The following KDM7A variants were observed in gnomAD, a reference collection of about 807,000 sequenced individuals.
KDM7A encodes lysine demethylase 7A, also known as lysine-specific demethylase 7A.
KDM7A carries 28 observed loss-of-function variants against 114.8 expected under a neutral mutation model. The ratio of observed to expected loss-of-function variants is 0.24; its 90% CI spans 0.18 to 0.33. The LOEUF (loss-of-function observed/expected upper bound fraction) is 0.33. Ranked by LOEUF, KDM7A falls within the 10% of genes least tolerant of loss-of-function variation. KDM7A has a pLI of 1.00. For synonymous variants in KDM7A, 423 were observed against 397.8 expected, an observed-to-expected ratio of 1.06 and a Z score of -0.75; for missense variants, 942 against 1,142.5, an observed-to-expected ratio of 0.82 and a Z score of 2.53.
chr7:140,122,302 AG>A (rs1392374945), intron 7 of KDM7A, among the ~76,000 whole-genome samples: 2 of 151,652 alleles, frequency 1.3e-5, no homozygotes, highest in Admixed American at 1.3e-4. Context: ...TTTATATTCT[AG>A]TTAGGACATT....
At chr7:140,155,686 TAA>T (rs1327092591) in intron 1 of KDM7A, among the ~76,000 whole-genome samples, 2 of 152,292 alleles carry the variant, frequency 1.3e-5, no homozygotes, top group South Asian at 4.1e-4. Context: ...AGGAAGGAGA[TAA>T]AACACCATCG....
chr7:140,150,805 G>C (rs989823910), intron 1 of KDM7A, among the ~76,000 whole-genome samples: 8 of 150,910 alleles, frequency 5.3e-5, no homozygotes, highest in South Asian at 2.1e-4. Context: ...AAGTTAATGA[G>C]TGTGGCCCAA....
intron 12 of KDM7A, among the ~76,000 whole-genome samples, chr7:140,100,671 T>C (rs1562945861): frequency 2.5e-5 from 1 of 40,298 alleles, no homozygotes; most frequent in Non-Finnish European, 4.7e-5. Flanking sequence ...TATATATATA[T>C]ATATATATAC....
At chr7:140,116,348 G>A (rs117020300) in intron 9 of KDM7A, among the ~76,000 whole-genome samples, 2,109 of 152,148 alleles carry the variant, frequency 0.014, 25 homozygotes, top group Non-Finnish European at 0.021. Flanking sequence ...AAACATGGAT[G>A]AATCTCACAA....
rs200776186 is a variant in KDM7A, at chr7:140,092,278, CGTTAA to C, written c.2458-206_2458-202del. On this transcript the variant is annotated intron_variant, in intron 18 of 19. Transcript: ENST00000397560. ...AAGGACTCGGGTCTTTAAGTTGCAT[CGTTAA>C]GTTAAGAAGGCGAAAGAGAGAGTGA... 5.3e-3 allele frequency: 3,076 copies of C among 580,264 alleles called. 64 individuals are homozygous for C. The highest frequency in any genetic ancestry group is 0.051 in the African/African-American group (2,456 of 47,704). The allele number at this position is 580,264 out of a possible 1,614,324, so 35.9% of individuals were successfully genotyped here.
intron 6 of KDM7A, among the ~76,000 whole-genome samples, chr7:140,126,196 C>T (rs1227003827): frequency 6.6e-6 from 1 of 152,180 alleles, no homozygotes; most frequent in Non-Finnish European, 1.5e-5. Flanking sequence ...TAGGTGTAAG[C>T]CACTACACCC....
At chr7:140,170,135 T>G (rs941859617) in intron 1 of KDM7A, among the ~76,000 whole-genome samples, 2 of 152,094 alleles carry the variant, frequency 1.3e-5, no homozygotes, top group Non-Finnish European at 2.9e-5. Context: ...ATATTTCCTA[T>G]CCCTAACCAA....
chr7:140,152,384 G>A (rs559620583), intron 1 of KDM7A, among the ~76,000 whole-genome samples: 1 of 152,130 alleles, frequency 6.6e-6, no homozygotes, highest in Non-Finnish European at 1.5e-5. Context: ...TAGCACTCTG[G>A]GAGGCCAAGG....
At chr7:140,147,487 T>C (rs527841515) in intron 1 of KDM7A, among the ~76,000 whole-genome samples, 1 of 152,330 alleles carries the variant, frequency 6.6e-6, no homozygotes, top group South Asian at 2.1e-4. Context: ...ATGAGATTTA[T>C]ATATCGGAAA....
Position 140,129,654 on chromosome 7 carries a change from C to T in KDM7A, c.399-1G>A. On this transcript the variant is annotated splice_acceptor_variant, in intron 3 of 19. Coordinates refer to ENST00000397560, the MANE Select transcript of KDM7A (RefSeq NM_030647.2). LOFTEE classifies it high-confidence loss of function. ...CATCTTTATAATTATTTCATCGGCACTAAGGAAAAACATAAGAATAAAAAT... is the reference window on the plus strand; with the variant it reads ...CATCTTTATAATTATTTCATCGGCATTAAGGAAAAACATAAGAATAAAAAT... 1 of 1,594,810 alleles carries T rather than the reference C, an allele frequency of 6.3e-7. No homozygotes were observed. The highest frequency in any genetic ancestry group is 2.2e-5 in the East Asian group (1 of 44,732).
At chr7:140,165,546 G>A (rs1379905209) in intron 1 of KDM7A, among the ~76,000 whole-genome samples, 1 of 152,156 alleles carries the variant, frequency 6.6e-6, no homozygotes, top group East Asian at 1.9e-4. Context: ...TCCAGAAACA[G>A]ACAATTCTTA....
intron 1 of KDM7A, among the ~76,000 whole-genome samples, chr7:140,168,753 T>C (rs913662447): frequency 1.3e-5 from 2 of 152,166 alleles, no homozygotes; most frequent in African/African-American, 4.8e-5. Context: ...TATACACAAA[T>C]ACTGTAATCT....
At chr7:140,107,237 T>G (rs1442031200) in intron 11 of KDM7A, among the ~76,000 whole-genome samples, 3 of 152,234 alleles carry the variant, frequency 2.0e-5, no homozygotes, top group African/African-American at 7.2e-5. Context: ...TTTGCCGGTA[T>G]GTGTCTTTTA....
intron 11 of KDM7A, among the ~76,000 whole-genome samples, chr7:140,107,965 T>G (rs1316649606): frequency 6.6e-6 from 1 of 152,144 alleles, no homozygotes; most frequent in African/African-American, 2.4e-5. Context: ...GAGGCTTTGT[T>G]TGTTTCTTTT....
chr7:140,103,668 C>A (rs1818276272), intron 11 of KDM7A, among the ~76,000 whole-genome samples: 1 of 152,184 alleles, frequency 6.6e-6, no homozygotes, highest in East Asian at 1.9e-4. Flanking sequence ...GCATAGTATT[C>A]TACAGTGTAT....
intron 1 of KDM7A, among the ~76,000 whole-genome samples, chr7:140,139,480 ACT>A (rs1794231398): frequency 1.3e-5 from 2 of 152,336 alleles, no homozygotes; most frequent in African/African-American, 2.4e-5. Flanking sequence ...TGTAAATGTC[ACT>A]GTTATTAAAT....
chr7:140,124,943 T>C (rs971139043), intron 6 of KDM7A, among the ~76,000 whole-genome samples, 160 bp from the exon 7 acceptor site: 2 of 152,200 alleles, frequency 1.3e-5, no homozygotes, highest in Admixed American at 1.3e-4. Context: ...TCAGTAGCTA[T>C]TGCCCTTAGT....
At chr7:140,159,912 G>T (rs1794498896) in intron 1 of KDM7A, among the ~76,000 whole-genome samples, 4 of 138,212 alleles carry the variant, frequency 2.9e-5, no homozygotes, top group East Asian at 2.1e-4. Flanking sequence ...ATTCTCATTT[G>T]CTTATTTAAG....
At chr7:140,158,639 CG>C (rs1469273566) in intron 1 of KDM7A, among the ~76,000 whole-genome samples, 1 of 151,968 alleles carries the variant, frequency 6.6e-6, no homozygotes, top group African/African-American at 2.4e-5. Context: ...GAGAGAGCTA[CG>C]AAAGAAAACA....
Sources: allele counts gnomAD v4.1 joint callset (sites outside exome capture counted in the v4.1 genomes callset), GRCh38; gene constraint gnomAD v4.1.1; transcripts MANE v1.5; gene names NCBI Gene and HGNC (gene_info 2026-07-23, HGNC 2026-07-21).